CDH12: variants seen among roughly 807,000 people sequenced by gnomAD.
The protein encoded by CDH12 is cadherin 12.
Under a neutral mutation model 74.1 loss-of-function variants are expected in CDH12, and 41 were observed. The ratio of observed to expected loss-of-function variants is 0.55; its 90% confidence interval spans 0.43 to 0.72. The LOEUF (loss-of-function observed/expected upper bound fraction) is 0.72. Ranked by LOEUF, CDH12 falls within the 30% of genes least tolerant of loss-of-function variation. The pLI is 0.00. For synonymous variants in CDH12, 399 were observed against 355.0 expected (o/e 1.12, Z -1.39); for missense variants, 945 against 977.2 (o/e 0.97, Z 0.44).
intron 1 of CDH12, among the ~76,000 whole-genome samples, chr5:22,632,873 C>T (rs1463150698): frequency 6.6e-6 from 1 of 150,594 alleles, no homozygotes; most frequent in Non-Finnish European, 1.5e-5. Context: ...GATATAGACA[C>T]ATCATATTCA....
chr5:22,228,193 C>G (rs965168082), intron 3 of CDH12, among the ~76,000 whole-genome samples: 3 of 150,712 alleles, frequency 2.0e-5, no homozygotes, highest in African/African-American at 7.3e-5. Context: ...ATAATGGTAC[C>G]GATTATTTAC....
chr5:22,621,505 A>G (rs529717008), intron 1 of CDH12, among the ~76,000 whole-genome samples: 1 of 152,276 alleles, frequency 6.6e-6, no homozygotes, highest in African/African-American at 2.4e-5. Flanking sequence ...GAATAAAACA[A>G]AGTAAATTAG....
chr5:22,213,117 T>C (rs532668314), intron 3 of CDH12, among the ~76,000 whole-genome samples: 2 of 152,302 alleles, frequency 1.3e-5, no homozygotes, highest in East Asian at 3.9e-4. Context: ...TTTAAAGCGA[T>C]GTGATCAAAG....
intron 5 of CDH12, among the ~76,000 whole-genome samples, chr5:22,026,213 C>A (rs1355287756): frequency 6.6e-6 from 1 of 152,126 alleles, no homozygotes; most frequent in African/African-American, 2.4e-5. Context: ...TGATTATTTG[C>A]AGGTGGCTAA....
At chr5:22,756,113 AAAAAAAG>A (rs1469678242) in intron 1 of CDH12, among the ~76,000 whole-genome samples, 3 of 151,282 alleles carry the variant, frequency 2.0e-5, no homozygotes, top group African/African-American at 4.8e-5. Flanking sequence ...AAAAAAAAAA[AAAAAAAG>A]AAAGAAAGAA....
At position 22,078,726 on chromosome 5, in the gene CDH12, T is replaced by C. The variant is rs932875809; in HGVS notation, c.-50A>G. 2 of 1,594,588 alleles carry C rather than the reference T, an allele frequency of 1.3e-6. No homozygotes were observed. The highest frequency in any genetic ancestry group is 1.3e-5 in the African/African-American group (1 of 74,190). On this transcript the variant is annotated 5_prime_UTR_variant, in exon 5 of 15. Transcript: ENST00000382254. Reference sequence around the variant, plus strand: ...GTAATAAAAACTCCAACACTTAACGTAGAATTGTGGAATCCAGGTTTGAGG... The same window carrying C: ...GTAATAAAAACTCCAACACTTAACGCAGAATTGTGGAATCCAGGTTTGAGG...
chr5:22,104,630 C>T (rs1368224318), intron 4 of CDH12, among the ~76,000 whole-genome samples: 1 of 152,070 alleles, frequency 6.6e-6, no homozygotes, highest in Non-Finnish European at 1.5e-5. Context: ...GCTGATGTTG[C>T]TATATCTTTC....
At chr5:22,120,734 G>T (rs1197382368) in intron 4 of CDH12, among the ~76,000 whole-genome samples, 1 of 151,928 alleles carries the variant, frequency 6.6e-6, no homozygotes, top group Non-Finnish European at 1.5e-5. Flanking sequence ...TTCTTTCACT[G>T]GATTGAGACT....
chr5:22,050,253 C>T (rs1371885806), intron 5 of CDH12, among the ~76,000 whole-genome samples: 1 of 152,042 alleles, frequency 6.6e-6, no homozygotes, highest in African/African-American at 2.4e-5. Context: ...ACTCTCCTTC[C>T]CCACCTATCT....
intron 10 of CDH12, among the ~76,000 whole-genome samples, chr5:21,791,778 T>C (rs1482778092): frequency 6.6e-6 from 1 of 151,932 alleles, no homozygotes; most frequent in African/African-American, 2.4e-5. Flanking sequence ...GTTTTATTCC[T>C]ATACTGTAAA....
At chr5:22,513,373 CAA>C (rs34442281) in intron 1 of CDH12, among the ~76,000 whole-genome samples, 27 of 140,070 alleles carry the variant, frequency 1.9e-4, no homozygotes, top group African/African-American at 7.0e-4. Flanking sequence ...ACAACAGGTT[CAA>C]AAAAAAAAAA....
At chr5:22,371,672 G>A (rs894940075) in intron 3 of CDH12, among the ~76,000 whole-genome samples, 4 of 152,118 alleles carry the variant, frequency 2.6e-5, no homozygotes, top group African/African-American at 4.8e-5. Flanking sequence ...TAAGCATCTT[G>A]TATTATGTGA....
intron 1 of CDH12, among the ~76,000 whole-genome samples, chr5:22,531,714 C>A (rs1580739211): frequency 6.6e-6 from 1 of 152,024 alleles, no homozygotes; most frequent in East Asian, 1.9e-4. Flanking sequence ...AATTCCAATT[C>A]ACACCAAAGA....
In CDH12 at chr5:22,497,591, A is replaced by G. The variant is rs184190938; in HGVS notation, c.-428+7679T>C. 3.5e-3 allele frequency among the ~76,000 whole-genome samples: 520 copies of G among 149,592 alleles called. 3 individuals are homozygous for G. Among genetic ancestry groups the G allele is most frequent in the Non-Finnish European group, 4.8e-3 (325 of 67,688 alleles). ...AGAAGTCCTCTGAAAAGATAAAACC[A>G]TCAAGGTCCTTCCAATGCCCTCAAG... is the stretch of plus-strand genomic sequence containing the variant. On this transcript the variant is annotated intron_variant, in intron 2 of 14. Coordinates refer to ENST00000382254, the MANE Select transcript of CDH12 (RefSeq NM_004061.5).
intron 5 of CDH12, among the ~76,000 whole-genome samples, chr5:22,069,977 T>G (rs1741833158): frequency 6.6e-6 from 1 of 152,000 alleles, no homozygotes; most frequent in African/African-American, 2.4e-5. Flanking sequence ...TAATACAAAA[T>G]CAGTAATGGA....
intron 4 of CDH12, among the ~76,000 whole-genome samples, chr5:22,125,869 T>A (rs1437828920): frequency 6.6e-6 from 1 of 152,168 alleles, no homozygotes; most frequent in Non-Finnish European, 1.5e-5. Context: ...ACTCCCTCGC[T>A]TTTTGTTTAT....
intron 6 of CDH12, among the ~76,000 whole-genome samples, chr5:21,934,827 C>G (rs1328840824): frequency 6.6e-6 from 1 of 152,058 alleles, no homozygotes; most frequent in Non-Finnish European, 1.5e-5. Flanking sequence ...CCCTCTGTCA[C>G]CCAGGCTGGA....
At chr5:21,986,288 T>C (rs1442305605) in intron 5 of CDH12, among the ~76,000 whole-genome samples, 1 of 152,166 alleles carries the variant, frequency 6.6e-6, no homozygotes, top group Non-Finnish European at 1.5e-5. Context: ...AAAAAAAATA[T>C]GTTATTCCCC....
At chr5:22,318,188 A>C (rs1738712593) in intron 3 of CDH12, among the ~76,000 whole-genome samples, 1 of 152,206 alleles carries the variant, frequency 6.6e-6, no homozygotes, top group Admixed American at 6.5e-5. Context: ...CATGTGTTTA[A>C]GTTTCATTAG....
Sources: allele counts gnomAD v4.1 joint callset (sites outside exome capture counted in the v4.1 genomes callset), GRCh38; gene constraint gnomAD v4.1.1; transcripts MANE v1.5; gene names NCBI Gene and HGNC (gene_info 2026-07-23, HGNC 2026-07-21).